Variants in TAF3 observed in about 807,000 individuals in gnomAD.
TAF3 encodes TATA-box binding protein associated factor 3.
A neutral mutation model predicts 80.6 loss-of-function variants in TAF3; 7 were observed. The observed-to-expected ratio is 0.09, with a 90% CI of 0.05 to 0.16. The LOEUF (loss-of-function observed/expected upper bound fraction) is 0.16, where lower values mean the gene tolerates loss of function less well. Among genes scored for constraint, TAF3 ranks in the 10% least tolerant of loss-of-function variants. The pLI is 1.00. For missense variants in TAF3, 921 were observed against 1,140.2 expected (o/e 0.81, Z 2.77); for synonymous variants, 444 against 446.1 (o/e 1.00, Z 0.06).
intron 2 of TAF3, among the ~76,000 whole-genome samples, chr10:7,910,989 A>G (rs1479197231): frequency 1.3e-5 from 2 of 152,224 alleles, no homozygotes; most frequent in African/African-American, 4.8e-5. Context: ...CTTAGCTTCT[A>G]AGTGTCTTTG....
At chr10:7,985,251 T>TC (rs1411415965) in intron 4 of TAF3, among the ~76,000 whole-genome samples, 1 of 152,064 alleles carries the variant, frequency 6.6e-6, no homozygotes, top group East Asian at 1.9e-4. Flanking sequence ...CCTTCTTACA[T>TC]CCCCCACGGC....
At chr10:8,011,000 T>C (rs1024284497) in intron 5 of TAF3, among the ~76,000 whole-genome samples, 3 of 152,214 alleles carry the variant, frequency 2.0e-5, no homozygotes, top group Admixed American at 2.0e-4. Flanking sequence ...GAATACACTC[T>C]GGCAGTAAAG....
At position 8,014,375 on chromosome 10, in the gene TAF3, A is replaced by C. The variant is rs556264823; in HGVS notation, c.2676-262A>C. On this transcript the variant is annotated intron_variant, in intron 6 of 6. Coordinates refer to ENST00000344293, the MANE Select transcript of TAF3 (RefSeq NM_031923.4). Reference sequence around the variant, plus strand: ...GATAGACGATATCTGTGAGATAAAGACAAAGCCGTGGCTCGGAAGACTTCT... The same window carrying C: ...GATAGACGATATCTGTGAGATAAAGCCAAAGCCGTGGCTCGGAAGACTTCT... 2.7e-3 allele frequency among the ~76,000 whole-genome samples: 407 copies of C among 152,322 alleles called. 2 individuals carry two copies. Among genetic ancestry groups the C allele is most frequent in the African/African-American group, 9.1e-3 (377 of 41,568 alleles).
intron 2 of TAF3, among the ~76,000 whole-genome samples, chr10:7,945,566 A>G (rs560992007): frequency 3.3e-5 from 5 of 152,196 alleles, no homozygotes; most frequent in Non-Finnish European, 7.4e-5. Context: ...CAGGGAGGCC[A>G]GGCCTGCCCT....
intron 2 of TAF3, among the ~76,000 whole-genome samples, chr10:7,956,221 G>A (rs1838134120): frequency 6.6e-6 from 1 of 152,158 alleles, no homozygotes; most frequent in Admixed American, 6.5e-5. Context: ...CGGGCGCGGT[G>A]TCTCACGCCT....
intron 2 of TAF3, among the ~76,000 whole-genome samples, chr10:7,896,394 C>T (rs1837504484): frequency 6.6e-6 from 1 of 152,158 alleles, no homozygotes; most frequent in Non-Finnish European, 1.5e-5. Flanking sequence ...GGAGGTCCTA[C>T]GACAAGGGAG....
rs1831997651 is a variant in TAF3 at position 8,006,732 on chromosome 10, G to A, written c.2316-2346G>A. ...GAATAGCAAAGAGTCAGTGCCTTTT[G>A]GTGAAAGTGGTTTCTAAACTAGGAC... On this transcript the variant is annotated intron_variant, in intron 4 of 6. Transcript: ENST00000344293. Among the ~76,000 whole-genome samples, 3 of 152,202 alleles carry A rather than the reference G, an allele frequency of 2.0e-5. No individual in the cohort carries two copies. In the South Asian group the frequency reaches 6.2e-4, roughly 31 times the overall value.
chr10:8,007,376 G>T (rs1007827026), intron 4 of TAF3, among the ~76,000 whole-genome samples: 1 of 151,406 alleles, frequency 6.6e-6, no homozygotes, highest in African/African-American at 2.4e-5. Flanking sequence ...ACCTACAAAG[G>T]CAGGAAAGGT....
chr10:7,994,887 A>T (rs186995266), intron 4 of TAF3, among the ~76,000 whole-genome samples: 1 of 151,358 alleles, frequency 6.6e-6, no homozygotes, highest in Admixed American at 6.6e-5. Context: ...AGGCATGAGA[A>T]TCACTTGAAC....
chr10:7,833,451 T>C (rs1836821733), intron 2 of TAF3, among the ~76,000 whole-genome samples: 1 of 152,250 alleles, frequency 6.6e-6, no homozygotes, highest in Admixed American at 6.5e-5. Flanking sequence ...TGATTAGTAA[T>C]GTTGAACATT....
At chr10:7,857,901 A>T (rs376856457) in intron 2 of TAF3, among the ~76,000 whole-genome samples, 2 of 125,430 alleles carry the variant, frequency 1.6e-5, no homozygotes, top group African/African-American at 5.9e-5. Context: ...GTTCTTTTCA[A>T]CATTTCTGAT....
intron 2 of TAF3, among the ~76,000 whole-genome samples, chr10:7,916,014 C>A (rs947422280): frequency 3.3e-5 from 5 of 151,780 alleles, no homozygotes; most frequent in African/African-American, 9.7e-5. Context: ...GTTTTTAAAG[C>A]CCCAGTCTTG....
At chr10:7,918,655 C>G (rs1837734606) in intron 2 of TAF3, among the ~76,000 whole-genome samples, 1 of 152,152 alleles carries the variant, frequency 6.6e-6, no homozygotes, top group Non-Finnish European at 1.5e-5. Flanking sequence ...AAGGGGCAAG[C>G]TGGGACCTCC....
At chr10:7,824,033 G>A (rs1299055633) in intron 1 of TAF3, among the ~76,000 whole-genome samples, 5 of 151,408 alleles carry the variant, frequency 3.3e-5, no homozygotes, top group Admixed American at 3.3e-4. Flanking sequence ...AGATGCTTTT[G>A]ATCATCTGTA....
chr10:7,818,978 C>A, intron 1 of TAF3, 103 bp downstream of exon 1: 1 of 1,161,170 alleles, frequency 8.6e-7, no homozygotes. Context: ...TCCCGCACCC[C>A]GCCTCGAGAT....
In TAF3 at chr10:7,917,804, T is replaced by C. The variant is rs1043860506; in HGVS notation, c.410-46116T>C. Among the ~76,000 whole-genome samples the C allele has an allele frequency of 1.1e-4, 16 of 152,186 alleles. No individual in the cohort carries two copies. In the South Asian group the frequency reaches 1.2e-3, roughly 12 times the overall value. On this transcript the variant is annotated intron_variant, in intron 2 of 6. Transcript: ENST00000344293. The stretch of plus-strand genomic sequence containing the variant: ...GAAGAAGGAAATACTTTTGAAGTTA[T>C]ATAAGATGAAAACTGAAAATGGACC...
In TAF3 at chr10:7,964,308, G is replaced by A; in HGVS notation, c.798G>A (p.Lys266=). The part of the protein sequence containing the change: ...QMPTAKPLET[K]SFTPKTKTKT... ...CAACTGCAAAACCATTAGAAACAAA[G>A]TCATTTACACCTAAAACAAAGACTA... The change falls in exon 3 of 7, where the codon AAG becomes AAA. Residue 266 remains lysine, a synonymous_variant. Transcript: ENST00000344293. This position sits in a 1 kb window ranked among gnomAD's most constrained non-coding sequence, Gnocchi z 4.1. The A allele has an allele frequency of 6.2e-7, 1 of 1,614,130 alleles. No homozygotes were observed. Among genetic ancestry groups the A allele is most frequent in the South Asian group, 1.1e-5 (1 of 91,084 alleles).
At chr10:7,999,171 C>A (rs1831918810) in intron 4 of TAF3, among the ~76,000 whole-genome samples, 1 of 152,046 alleles carries the variant, frequency 6.6e-6, no homozygotes, top group Non-Finnish European at 1.5e-5. Context: ...AAAAATAATT[C>A]TTTTACAGAA....
intron 1 of TAF3, among the ~76,000 whole-genome samples, chr10:7,822,633 T>G (rs1836701307): frequency 6.6e-6 from 1 of 152,198 alleles, no homozygotes; most frequent in Non-Finnish European, 1.5e-5. Context: ...CTGTATGCAT[T>G]ACTACACATG....
Sources: gnomAD v4.1 joint callset for allele counts (sites outside exome capture counted in the v4.1 genomes callset) on GRCh38, gnomAD v4.1.1 for gene constraint, Gnocchi (gnomAD v3.1) non-coding constraint, MANE v1.5 for transcripts, NCBI Gene and HGNC (gene_info 2026-07-23, HGNC 2026-07-21) for gene names.